The following SYK variants were observed in gnomAD, a reference collection of about 807,000 sequenced individuals.
SYK encodes tyrosine-protein kinase SYK.
Under a neutral mutation model 77.8 loss-of-function variants are expected in SYK, and 16 were observed. That is an observed-to-expected ratio of 0.21 (90% CI 0.14 to 0.31). The LOEUF (loss-of-function observed/expected upper bound fraction) is 0.31. Ranked by LOEUF, SYK falls within the 10% of genes least tolerant of loss-of-function variation. The probability of loss-of-function intolerance (pLI) is 1.00; values close to 1 mark genes in which losing one functional copy is unlikely to be tolerated. For missense variants in SYK, 529 were observed against 814.4 expected (o/e 0.65, Z 4.26); for synonymous variants, 312 against 308.7 (o/e 1.01, Z -0.11).
chr9:90,878,663 G>A, intron 10 of SYK, 101 bp from the exon 11 acceptor site: 2 of 946,918 alleles, frequency 2.1e-6, no homozygotes, highest in Non-Finnish European at 1.6e-6. Flanking sequence ...TTAAGAAGAG[G>A]GAAGGAGTAG....
Position 90,896,274 on chromosome 9 carries a change from TA to T in SYK, c.*678del, listed in dbSNP as rs1828982382. The T allele has an allele frequency of 4.3e-6, 1 of 233,122 alleles. No homozygotes were observed. The highest frequency in any genetic ancestry group is 8.5e-6 in the Non-Finnish European group (1 of 118,052). 14.4% of individuals were successfully genotyped at this position (233,122 alleles called of 1,614,324 possible). On this transcript the variant is annotated 3_prime_UTR_variant, in exon 14 of 14. Transcript: ENST00000375754. ...AGATGGAAGACTTACATGTTTGTGA[TA>T]AAAGGGGACCATGAGAATGAATTGG...
In SYK at chr9:90,864,553, T is replaced by C. The variant is rs770418973; in HGVS notation, c.718-36T>C. 27 of 1,574,460 alleles carry C rather than the reference T, an allele frequency of 1.7e-5. No individual in the cohort carries two copies. In the African/African-American group the frequency reaches 1.8e-4, roughly 10 times the overall value. On this transcript the variant is annotated intron_variant, in intron 4 of 13. Transcript: ENST00000375754. ...TCACTATTTGTCTATTTCCTGACCT[T>C]GGTATTTACCACTTTCTTACTTTTT...
intron 3 of SYK, among the ~76,000 whole-genome samples, chr9:90,855,007 T>TACACACACAC (rs769425530): frequency 3.1e-4 from 13 of 42,118 alleles, no homozygotes; most frequent in East Asian, 2.9e-3. Context: ...CACACACACA[T>TACACACACAC]ACATACACAC....
At position 90,895,715 on chromosome 9, in the gene SYK, G is replaced by A; in HGVS notation, c.*115G>A. 1 of 953,564 alleles carries A rather than the reference G, an allele frequency of 1.0e-6. No individual in the cohort carries two copies. The highest frequency in any genetic ancestry group is 1.6e-6 in the Non-Finnish European group (1 of 615,144). The allele number at this position is 953,564 out of a possible 1,614,324, so 59.1% of individuals were successfully genotyped here. ...TCTGCCAGTCGGGAGAGCCAGGCTT[G>A]GATGGAACATGCCCACAACTTGTCA... On this transcript the variant is annotated 3_prime_UTR_variant, in exon 14 of 14. Coordinates refer to ENST00000375754, the MANE Select transcript of SYK (RefSeq NM_003177.7). The surrounding 1 kb of genome is among the most constrained non-coding windows in gnomAD (Gnocchi z 4.4).
chr9:90,861,730 C>A (rs1051147591), intron 3 of SYK, among the ~76,000 whole-genome samples: 2 of 152,172 alleles, frequency 1.3e-5, no homozygotes, highest in Non-Finnish European at 2.9e-5. Context: ...CCACCAAACA[C>A]CCCCACCCAC....
At chr9:90,883,991 T>C (rs1828262623) in intron 11 of SYK, among the ~76,000 whole-genome samples, 2 of 151,974 alleles carry the variant, frequency 1.3e-5, no homozygotes, top group Non-Finnish European at 1.5e-5. Context: ...CTATTCACAG[T>C]ACACCTTCAC....
chr9:90,847,529 G>C (rs1279443696), intron 3 of SYK, among the ~76,000 whole-genome samples: 1 of 152,232 alleles, frequency 6.6e-6, no homozygotes, highest in Non-Finnish European at 1.5e-5. Flanking sequence ...GTTGTCCACA[G>C]CTCAGTCCCA....
intron 3 of SYK, 31 bp downstream of exon 3, chr9:90,845,625 G>A (rs200775910): frequency 1.2e-6 from 2 of 1,607,100 alleles, no homozygotes; most frequent in African/African-American, 1.3e-5. Flanking sequence ...CTCACCTCCT[G>A]CCACCAGGCC....
intron 1 of SYK, among the ~76,000 whole-genome samples, chr9:90,842,385 G>T (rs899999127): frequency 3.3e-5 from 5 of 150,662 alleles, no homozygotes; most frequent in Non-Finnish European, 4.4e-5. Flanking sequence ...TGTGTAGTGC[G>T]CATGTAGTCA....
intron 6 of SYK, among the ~76,000 whole-genome samples, chr9:90,865,555 T>C (rs1827452091): frequency 6.6e-6 from 1 of 152,110 alleles, no homozygotes; most frequent in Non-Finnish European, 1.5e-5. Flanking sequence ...GTTATCCTCC[T>C]GCTTCGACCT....
Position 90,823,960 on chromosome 9 carries a change from T to C in SYK, c.-41-19898T>C, listed in dbSNP as rs184304990. On this transcript the variant is annotated intron_variant, in intron 1 of 13. Transcript: ENST00000375754. ...AGAGAAAAGTCAATAAAACCAATGT[T>C]GGTTCTTTGAAATCATCAACCAAAT... Among the ~76,000 whole-genome samples the C allele has an allele frequency of 5.3e-3, 805 of 152,026 alleles. 10 individuals are homozygous for C. The highest frequency in any genetic ancestry group is 6.0e-3 in the Non-Finnish European group (405 of 67,942).
At chr9:90,838,507 G>T (rs757690628) in intron 1 of SYK, among the ~76,000 whole-genome samples, 4 of 152,162 alleles carry the variant, frequency 2.6e-5, no homozygotes, top group Admixed American at 6.5e-5. Context: ...CACAAAAAAG[G>T]TCTCAAAAGA....
intron 3 of SYK, among the ~76,000 whole-genome samples, chr9:90,858,743 C>T (rs915336387): frequency 1.3e-5 from 2 of 152,236 alleles, no homozygotes; most frequent in Non-Finnish European, 2.9e-5. Context: ...GTTAATGTCG[C>T]GAGCCTTCTG....
intron 11 of SYK, among the ~76,000 whole-genome samples, chr9:90,884,779 A>ACATATG (rs1564122546): frequency 4.9e-5 from 1 of 20,342 alleles, no homozygotes; most frequent in Non-Finnish European, 7.5e-5. Flanking sequence ...ACATATACAC[A>ACATATG]TGTGTACATG....
Position 90,895,210 on chromosome 9 carries a change from G to A in SYK, c.1836-318G>A, listed in dbSNP as rs1208199444. On this transcript the variant is annotated intron_variant, in intron 13 of 13. Transcript: ENST00000375754. The surrounding 1 kb of genome is among the most constrained non-coding windows in gnomAD (Gnocchi z 4.4). ...GTGGCACAGAAGCATATTGTGTGCC[G>A]CATATCTGAACCTGGGGCTAAAACA... 1.3e-5 allele frequency among the ~76,000 whole-genome samples: 2 copies of A among 152,298 alleles called. No individual in the cohort carries two copies. Among genetic ancestry groups the A allele is most frequent in the Admixed American group, 6.5e-5 (1 of 15,304 alleles).
At chr9:90,887,978 T>C in intron 12 of SYK, 89 bp downstream of exon 12, 2 of 1,443,176 alleles carry the variant, frequency 1.4e-6, no homozygotes, top group Non-Finnish European at 1.8e-6. Context: ...AAAATCCTAA[T>C]CTGAGTCTCT....
intron 9 of SYK, among the ~76,000 whole-genome samples, chr9:90,876,739 A>G (rs976974333): frequency 2.6e-5 from 4 of 152,234 alleles, no homozygotes; most frequent in Non-Finnish European, 4.4e-5. Context: ...CTTTCAATCT[A>G]TAAACACAGC....
chr9:90,812,741 A>ATGTGTGTG (rs759021735), intron 1 of SYK, among the ~76,000 whole-genome samples: 2,631 of 109,752 alleles, frequency 0.024, 58 homozygotes, highest in African/African-American at 0.06. Context: ...CCCATTTGAT[A>ATGTGTGTG]TGTGTGTGTG....
chr9:90,825,149 G>A (rs1237274350), intron 1 of SYK, among the ~76,000 whole-genome samples: 1 of 149,648 alleles, frequency 6.7e-6, no homozygotes, highest in Non-Finnish European at 1.5e-5. Context: ...AAAATACTTA[G>A]GTATAAATCT....
Sources: allele counts gnomAD v4.1 joint callset (sites outside exome capture counted in the v4.1 genomes callset), GRCh38; gene constraint gnomAD v4.1.1; non-coding constraint Gnocchi (gnomAD v3.1); transcripts MANE v1.5; gene names NCBI Gene and HGNC (gene_info 2026-07-23, HGNC 2026-07-21).